Variants in RUFY3 observed in about 807,000 individuals in gnomAD.
The protein encoded by RUFY3 is protein RUFY3.
A neutral mutation model predicts 84.0 loss-of-function variants in RUFY3; 34 were observed. The ratio of observed to expected loss-of-function variants is 0.40; its 90% confidence interval spans 0.31 to 0.54. RUFY3 has a LOEUF of 0.54. Among genes scored for constraint, RUFY3 ranks in the 20% least tolerant of loss-of-function variants. The pLI is 0.39. For missense variants in RUFY3, 507 were observed against 736.8 expected (o/e 0.69, Z 3.61); for synonymous variants, 242 against 252.9 (o/e 0.96, Z 0.41).
chr4:70,740,290 A>C lies in RUFY3; in HGVS notation c.178+17539A>C, dbSNP rs569049318. ...CTCTTAAATTAATTGCATCACTCTG[A>C]TACTTAAAACTTTAATCTCTGTTTT... On this transcript the variant is annotated intron_variant, in intron 1 of 17. Coordinates refer to ENST00000381006, the MANE Select transcript of RUFY3 (RefSeq NM_001037442.4). 6.4e-4 allele frequency among the ~76,000 whole-genome samples: 97 copies of C among 152,332 alleles called. 3 individuals carry two copies. In the South Asian group the frequency reaches 0.019, roughly 30 times the overall value.
At chr4:70,717,709 G>A (rs1466397570), upstream of RUFY3, among the ~76,000 whole-genome samples, 1 of 151,724 alleles carries the variant, frequency 6.6e-6, no homozygotes, top group Non-Finnish European at 1.5e-5. Flanking sequence ...GAAGGAACAT[G>A]GACTTTGGAG....
rs186378847 is a variant in RUFY3, at chr4:70,705,978, G to T, written c.358+684G>T. The stretch of plus-strand genomic sequence containing the variant: ...ACCTCCCAGGGTTATATCGGTTGTC[G>T]GGAAGAGGCCTCCACTTTTAAAGCC... On this transcript the variant is annotated intron_variant, in intron 1 of 11. Transcript: ENST00000417478. 1.8e-4 allele frequency among the ~76,000 whole-genome samples: 27 copies of T among 152,286 alleles called. No individual in the cohort carries two copies. In the East Asian group the frequency reaches 5.2e-3, roughly 29 times the overall value.
In RUFY3 at chr4:70,768,666, G is replaced by A; in HGVS notation, c.696+5G>A. The A allele has an allele frequency of 1.9e-6, 3 of 1,613,186 alleles. No homozygotes were observed. Among genetic ancestry groups the A allele is most frequent in the Non-Finnish European group, 2.5e-6 (3 of 1,179,684 alleles). ...GGAGAAGACTTGGACTCTCAGGTATGGGAAAGAGACTCATTCCCATGGGTG... is the reference window on the plus strand; with the variant it reads ...GGAGAAGACTTGGACTCTCAGGTATAGGAAAGAGACTCATTCCCATGGGTG... On this transcript the variant is annotated splice_donor_5th_base_variant and intron_variant, in intron 5 of 17. Coordinates refer to ENST00000381006, the MANE Select transcript of RUFY3 (RefSeq NM_001037442.4).
chr4:70,763,220 T>C (rs1310110447), intron 2 of RUFY3, among the ~76,000 whole-genome samples: 1 of 152,196 alleles, frequency 6.6e-6, no homozygotes, highest in East Asian at 1.9e-4. Context: ...CAATATTCCA[T>C]AGCCTATTTC....
chr4:70,718,494 G>A (rs1003979067), upstream of RUFY3, among the ~76,000 whole-genome samples: 1 of 152,084 alleles, frequency 6.6e-6, no homozygotes, highest in Non-Finnish European at 1.5e-5. Flanking sequence ...TAGGGCCACA[G>A]ACTGAACTCC....
intron 8 of RUFY3, among the ~76,000 whole-genome samples, chr4:70,782,639 G>A (rs918274997): frequency 6.6e-6 from 1 of 152,090 alleles, no homozygotes; most frequent in East Asian, 1.9e-4. Flanking sequence ...TTGGTCGGGC[G>A]CAGTGGCTCA....
At chr4:70,795,620 A>G (rs991810782) in intron 14 of RUFY3, among the ~76,000 whole-genome samples, 2 of 152,206 alleles carry the variant, frequency 1.3e-5, no homozygotes, top group Non-Finnish European at 2.9e-5. Context: ...CAAAAAGATC[A>G]TGGGAAATGG....
chr4:70,782,658 A>G (rs1729128884), intron 8 of RUFY3, among the ~76,000 whole-genome samples: 1 of 151,962 alleles, frequency 6.6e-6, no homozygotes, highest in Non-Finnish European at 1.5e-5. Context: ...CATGCCTATA[A>G]TCCCAGCACT....
chr4:70,792,137 A>G (rs1730926799), intron 12 of RUFY3: 1 of 985,430 alleles, frequency 1.0e-6, no homozygotes, highest in South Asian at 4.7e-5. Flanking sequence ...TTAACAAAAA[A>G]TGATGCAGTA....
At position 70,722,794 on chromosome 4, in the gene RUFY3, A is replaced by G. The variant is rs367661425; in HGVS notation, c.178+43A>G. 3.8e-6 allele frequency: 6 copies of G among 1,575,732 alleles called. No homozygotes were observed. In the African/African-American group the frequency reaches 4.0e-5, roughly 11 times the overall value. On this transcript the variant is annotated intron_variant, in intron 1 of 17. Transcript: ENST00000381006. ...CCGCTAGTATTTCACCAGCATCCTC[A>G]TTGTTATGGGGGAGGGCTGGGAGGA... is the stretch of plus-strand genomic sequence containing the variant.
rs1343599525 is a variant in RUFY3, at chr4:70,807,991, G to A, written c.*1332G>A. 6.6e-6 allele frequency among the ~76,000 whole-genome samples: 1 copy of A among 152,052 alleles called. No homozygotes were observed. Among genetic ancestry groups the A allele is most frequent in the Non-Finnish European group, 1.5e-5 (1 of 68,012 alleles). ...AACCCAACTTGATATCAGAATCCAT[G>A]GGTGCTCAAGTCCCATTATAGAGAA... On this transcript the variant is annotated 3_prime_UTR_variant, in exon 18 of 18. Transcript: ENST00000381006.
At chr4:70,775,343 T>C in intron 7 of RUFY3, 110 bp downstream of exon 7, 1 of 665,204 alleles carries the variant, frequency 1.5e-6, no homozygotes, top group South Asian at 2.8e-5. Context: ...CAAATATATG[T>C]AGAATTCCTG....
At chr4:70,706,724 T>G (rs1740378496) in intron 1 of RUFY3, among the ~76,000 whole-genome samples, 1 of 152,236 alleles carries the variant, frequency 6.6e-6, no homozygotes, top group African/African-American at 2.4e-5. Context: ...ATTGACTGTC[T>G]TAGTGAAGCC....
At chr4:70,756,245 T>C (rs928637900) in intron 1 of RUFY3, among the ~76,000 whole-genome samples, 3 of 152,224 alleles carry the variant, frequency 2.0e-5, no homozygotes, top group Admixed American at 1.3e-4. Context: ...GCTCTAGTTC[T>C]ACCCTTTATT....
chr4:70,733,123 A>G (rs1217699248), intron 1 of RUFY3, among the ~76,000 whole-genome samples: 28 of 54,920 alleles, frequency 5.1e-4, no homozygotes, highest in Admixed American at 2.0e-3. Context: ...AGAGAGAGGG[A>G]GGGAGGGAGG....
At chr4:70,746,160 A>G (rs1001912915) in intron 1 of RUFY3, among the ~76,000 whole-genome samples, 3 of 152,176 alleles carry the variant, frequency 2.0e-5, no homozygotes, top group African/African-American at 4.8e-5. Flanking sequence ...CCTGGGCAAC[A>G]TGGTGAAACC....
intron 7 of RUFY3, among the ~76,000 whole-genome samples, chr4:70,776,829 G>C (rs1456378448): frequency 6.6e-6 from 1 of 152,130 alleles, no homozygotes; most frequent in Non-Finnish European, 1.5e-5. Flanking sequence ...AGAAATACCA[G>C]TTTCAAGATT....
intron 8 of RUFY3, among the ~76,000 whole-genome samples, chr4:70,779,357 C>T (rs1276253072): frequency 6.6e-6 from 1 of 152,154 alleles, no homozygotes; most frequent in South Asian, 2.1e-4. Context: ...TTCGGCCTCA[C>T]AATTAACTCT....
intron 7 of RUFY3, among the ~76,000 whole-genome samples, chr4:70,776,544 G>A (rs1727996611): frequency 6.6e-6 from 1 of 152,224 alleles, no homozygotes. Flanking sequence ...GGAGGCCGAG[G>A]CAGGCGGATC....
Sources: allele counts gnomAD v4.1 joint callset (sites outside exome capture counted in the v4.1 genomes callset), GRCh38; gene constraint gnomAD v4.1.1; transcripts MANE v1.5; gene names NCBI Gene and HGNC (gene_info 2026-07-23, HGNC 2026-07-21).